Variants in FAT3 observed in about 807,000 individuals in gnomAD.
The protein encoded by FAT3 is protocadherin Fat 3.
A neutral mutation model predicts 310.2 loss-of-function variants in FAT3; 95 were observed. The observed-to-expected ratio is 0.31, with a 90% CI of 0.26 to 0.36. The LOEUF (loss-of-function observed/expected upper bound fraction) is 0.36. Among genes scored for constraint, FAT3 ranks in the 10% least tolerant of loss-of-function variants. The pLI is 1.00. For missense variants in FAT3, 5,408 were observed against 5,715.6 expected (o/e 0.95, Z 1.74); for synonymous variants, 2,314 against 2,192.9 (o/e 1.06, Z -1.54).
chr11:92,470,994 T>C (rs1591333513), intron 2 of FAT3, among the ~76,000 whole-genome samples: 1 of 152,336 alleles, frequency 6.6e-6, no homozygotes, highest in East Asian at 1.9e-4. Flanking sequence ...TTTTGCAACC[T>C]GCTTTTTTCA....
In FAT3 at chr11:92,540,629, G is replaced by A. The variant is rs184877151; in HGVS notation, c.3607+15681G>A. The stretch of plus-strand genomic sequence containing the variant: ...ATTTCAGTAATTTCTGTGTCTTCAA[G>A]TTGTTCATATACCTTCAAAGTAGTG... On this transcript the variant is annotated intron_variant, in intron 3 of 27. Transcript: ENST00000525166. Among the ~76,000 whole-genome samples the A allele has an allele frequency of 5.3e-5, 8 of 152,230 alleles. No homozygotes were observed. In the East Asian group the frequency reaches 1.2e-3, roughly 22 times the overall value.
intron 3 of FAT3, among the ~76,000 whole-genome samples, chr11:92,633,666 C>T (rs1941644896): frequency 6.6e-6 from 1 of 152,132 alleles, no homozygotes; most frequent in South Asian, 2.1e-4. Flanking sequence ...CTACCAGGCT[C>T]TTGCTCATCC....
chr11:92,619,362 C>G (rs568688096), intron 3 of FAT3, among the ~76,000 whole-genome samples: 1 of 152,206 alleles, frequency 6.6e-6, no homozygotes, highest in South Asian at 2.1e-4. Context: ...CAGGATAAAA[C>G]TGTCCTTATA....
chr11:92,760,850 G>A (rs1368755642), intron 4 of FAT3, among the ~76,000 whole-genome samples: 1 of 152,144 alleles, frequency 6.6e-6, no homozygotes, highest in African/African-American at 2.4e-5. Context: ...AATTATGTAT[G>A]TGCTCTTCAT....
At chr11:92,835,630 C>T (rs1948386520) in intron 15 of FAT3, among the ~76,000 whole-genome samples, 2 of 152,104 alleles carry the variant, frequency 1.3e-5, no homozygotes, top group East Asian at 3.9e-4. Flanking sequence ...ATCATAACAT[C>T]ACTTTGTACC....
rs925011260 is a variant in FAT3 at position 92,560,496 on chromosome 11, A to G, written c.3607+35548A>G. On this transcript the variant is annotated intron_variant, in intron 3 of 27. Coordinates refer to ENST00000525166, the MANE Select transcript of FAT3 (RefSeq NM_001367949.2). The stretch of plus-strand genomic sequence containing the variant: ...TTGTGATTTTGCTTTTGCGTCTAAC[A>G]GCCCATTGCCAAATCCAAGGTCACA... Among the ~76,000 whole-genome samples, 7 of 150,912 alleles carry G rather than the reference A, an allele frequency of 4.6e-5. No homozygotes were observed. The East Asian group carries it at 1.2e-3, about 25-fold the overall frequency.
At chr11:92,854,790 C>G (rs1252641558) in intron 19 of FAT3, among the ~76,000 whole-genome samples, 1 of 152,082 alleles carries the variant, frequency 6.6e-6, no homozygotes, top group South Asian at 2.1e-4. Context: ...GGTTTCTTTG[C>G]AATGCAGCCA....
rs1248113671 is a variant in FAT3, at chr11:92,895,518, C to T, written c.*4405C>T. 2.0e-5 allele frequency: 3 copies of T among 152,248 alleles called. No homozygotes were observed. The highest frequency in any genetic ancestry group is 2.0e-4 in the Admixed American group (3 of 15,290). 9.4% of individuals were successfully genotyped at this position (152,248 alleles called of 1,614,324 possible). A position where few individuals can be genotyped will look rare whatever the true frequency, so the allele number is the denominator to read the frequency against. ...TTAGTCTCTTCTAGTGTTTAGAATG[C>T]ACTTGAGAATCGTAGAGTCATTTGG... On this transcript the variant is annotated 3_prime_UTR_variant, in exon 28 of 28. Transcript: ENST00000525166.
intron 9 of FAT3, 61 bp from the exon 10 acceptor site, chr11:92,797,775 A>C (rs2136176157): frequency 7.0e-7 from 1 of 1,432,808 alleles, no homozygotes. Flanking sequence ...ATAAAGAGTT[A>C]ATCAAAAAGA....
chr11:92,858,142 T>C (rs1201241019), intron 20 of FAT3, among the ~76,000 whole-genome samples: 1 of 152,198 alleles, frequency 6.6e-6, no homozygotes, highest in African/African-American at 2.4e-5. Context: ...TTGCAAGCAT[T>C]GAGTTCTAGA....
At chr11:92,821,303 G>A (rs947352651) in intron 13 of FAT3, among the ~76,000 whole-genome samples, 3 of 152,188 alleles carry the variant, frequency 2.0e-5, no homozygotes, top group Non-Finnish European at 4.4e-5. Flanking sequence ...GTATACTCCA[G>A]TAATTTCTAC....
intron 3 of FAT3, among the ~76,000 whole-genome samples, chr11:92,687,539 T>A (rs562401156): frequency 2.6e-5 from 4 of 152,338 alleles, no homozygotes; most frequent in Admixed American, 1.3e-4. Context: ...ACACTCAAAG[T>A]TGTCTAGGGT....
At chr11:92,717,976 C>T (rs371530432) in intron 4 of FAT3, among the ~76,000 whole-genome samples, 4 of 152,152 alleles carry the variant, frequency 2.6e-5, no homozygotes, top group Admixed American at 6.5e-5. Context: ...CAAATTCTTG[C>T]AACTCTTTCT....
At chr11:92,314,700 A>C (rs1258869780) in intron 1 of FAT3, among the ~76,000 whole-genome samples, 1 of 152,212 alleles carries the variant, frequency 6.6e-6, no homozygotes, top group East Asian at 1.9e-4. Context: ...GAATGTCCCA[A>C]GACCTGAGTT....
intron 19 of FAT3, among the ~76,000 whole-genome samples, chr11:92,849,908 A>T (rs541805394): frequency 1.3e-5 from 2 of 152,180 alleles, no homozygotes; most frequent in South Asian, 4.1e-4. Context: ...CAGAGAGCTC[A>T]GTGGGGTGGG....
At chr11:92,758,735 T>A (rs555111800) in intron 4 of FAT3, among the ~76,000 whole-genome samples, 1 of 152,104 alleles carries the variant, frequency 6.6e-6, no homozygotes, top group Non-Finnish European at 1.5e-5. Context: ...CCAAGCAAGA[T>A]GCAAGGGGGG....
intron 3 of FAT3, among the ~76,000 whole-genome samples, chr11:92,529,803 C>G (rs1954005924): frequency 6.6e-6 from 1 of 152,168 alleles, no homozygotes; most frequent in South Asian, 2.1e-4. Flanking sequence ...TGCTCTGTCT[C>G]CCTTTGACCC....
intron 3 of FAT3, among the ~76,000 whole-genome samples, chr11:92,591,347 G>A (rs61901865): frequency 0.11 from 17,106 of 152,098 alleles, 1,373 homozygotes; most frequent in Non-Finnish European, 0.17. Flanking sequence ...CATTGGATTG[G>A]TTTCCTCGGT....
At chr11:92,324,272 G>A (rs1947708557) in intron 1 of FAT3, among the ~76,000 whole-genome samples, 1 of 152,174 alleles carries the variant, frequency 6.6e-6, no homozygotes, top group Non-Finnish European at 1.5e-5. Context: ...TGATGCAAGA[G>A]GCCTAGCTTT....
Sources: gnomAD v4.1 joint callset for allele counts (sites outside exome capture counted in the v4.1 genomes callset) on GRCh38, gnomAD v4.1.1 for gene constraint, MANE v1.5 for transcripts, NCBI Gene and HGNC (gene_info 2026-07-23, HGNC 2026-07-21) for gene names.